Variants in CLCNKB observed in about 807,000 individuals in gnomAD.
CLCNKB encodes chloride channel protein ClC-Kb.
Under a neutral mutation model 83.8 loss-of-function variants are expected in CLCNKB, and 74 were observed. That is an observed-to-expected ratio of 0.88 (90% CI 0.73 to 1.07). CLCNKB has a LOEUF of 1.07. Among genes scored for constraint, CLCNKB ranks in the 50% least tolerant of loss-of-function variants. The probability of loss-of-function intolerance (pLI) is 0.00; values close to 1 mark genes in which losing one functional copy is unlikely to be tolerated. For synonymous variants in CLCNKB, 358 were observed against 356.6 expected, an observed-to-expected ratio of 1.00 and a Z score of -0.04; for missense variants, 798 against 893.6, an observed-to-expected ratio of 0.89 and a Z score of 1.36.
rs1481306131 is a variant in CLCNKB, at chr1:16,046,538, A to C, written c.233A>C (p.His78Pro). The C allele has an allele frequency of 6.2e-7, 1 of 1,613,912 alleles. No homozygotes were observed. Among genetic ancestry groups the C allele is most frequent in the Non-Finnish European group, 8.5e-7 (1 of 1,179,994 alleles). ...DLAVESVVRA[H>P]QWLYREIGDS... is the part of the protein sequence containing the mutation. ...CCTGATACCCGGCTGTCCCCAGCGC[A>C]CCAGTGGCTGTACAGGGAGATTGGG... The change falls in exon 4 of 20, where the codon CAC (histidine) becomes CCC (proline). Residue 78 changes from histidine (H) to proline (P), a missense_variant. His to Pro is a moderately conservative substitution (Grantham distance 77, BLOSUM62 -2). Transcript: ENST00000375679.
In CLCNKB at chr1:16,049,644, A is replaced by G. The variant is rs1168113462; in HGVS notation, c.808A>G (p.Ser270Gly). ...QETITSLYKT[S>G]FRVDVPFDLP... ...GACCATCACCTCCCTCTACAAGACC[A>G]GTTTCCGGGTGGACGTTCCCTTCGA... The change falls in exon 9 of 20, where the codon AGT (serine) becomes GGT (glycine). Residue 270 changes from serine (S) to glycine (G), a missense_variant. Transcript: ENST00000375679. 1 of 1,608,720 alleles carries G rather than the reference A, an allele frequency of 6.2e-7. No homozygotes were observed. Among genetic ancestry groups the G allele is most frequent in the Non-Finnish European group, 8.5e-7 (1 of 1,177,306 alleles).
intron 4 of CLCNKB, 56 bp from the exon 5 acceptor site, chr1:16,047,849 T>C (rs1177730024): frequency 1.8e-5 from 28 of 1,580,778 alleles, no homozygotes; most frequent in South Asian, 6.6e-5. Context: ...AGGTAGAGTG[T>C]TGAGATTTTT....
Position 16,045,314 on chromosome 1 carries a change from C to G in CLCNKB, c.101-244C>G, listed in dbSNP as rs113884246. 1.4e-3 allele frequency among the ~76,000 whole-genome samples: 209 copies of G among 152,288 alleles called. 1 individual carries two copies. Among genetic ancestry groups the G allele is most frequent in the African/African-American group, 4.8e-3 (200 of 41,560 alleles). On this transcript the variant is annotated intron_variant, in intron 2 of 19. Coordinates refer to ENST00000375679, the MANE Select transcript of CLCNKB (RefSeq NM_000085.5). ...TACAGGCAGGGATGCGGAGGGTCGGCAGGTCAACGGCTTTCTGGTAGGGGC... is the reference window on the plus strand; with the variant it reads ...TACAGGCAGGGATGCGGAGGGTCGGGAGGTCAACGGCTTTCTGGTAGGGGC...
At chr1:16,054,652 A>C (rs2023388313) in intron 16 of CLCNKB, among the ~76,000 whole-genome samples, 2 of 152,130 alleles carry the variant, frequency 1.3e-5, no homozygotes, top group African/African-American at 4.8e-5. Context: ...GAATATGCCA[A>C]ATATCTCATC....
chr1:16,049,324 C>T (rs1029959691), intron 8 of CLCNKB, 79 bp downstream of exon 8: 184 of 1,584,448 alleles, frequency 1.2e-4, no homozygotes, highest in Middle Eastern at 1.7e-4. Flanking sequence ...CCTGTGTACA[C>T]CCCTTGCTCT....
chr1:16,050,120 A>C (rs146065185), intron 10 of CLCNKB, among the ~76,000 whole-genome samples: 12 of 142,768 alleles, frequency 8.4e-5, no homozygotes, highest in South Asian at 7.0e-4. Context: ...TCCCCATTTA[A>C]CCCCCATATC....
At chr1:16,048,100 C>T in intron 5 of CLCNKB, 56 bp downstream of exon 5, 4 of 1,583,268 alleles carry the variant, frequency 2.5e-6, no homozygotes, top group Non-Finnish European at 3.4e-6. Flanking sequence ...CCACCCCAGT[C>T]TCACCCCCAT....
chr1:16,053,625 C>T lies in CLCNKB; in HGVS notation c.1623-14C>T, dbSNP rs756596788. 4 of 1,613,740 alleles carry T rather than the reference C, an allele frequency of 2.5e-6. No homozygotes were observed. In the African/African-American group the frequency reaches 5.3e-5, roughly 22 times the overall value. ...CCTGACTGTGGGGCCTGATGGGAGC[C>T]CCTCTGCCTGCAGTTCCCACCGCGT... is the stretch of plus-strand genomic sequence containing the variant. On this transcript the variant is annotated splice_polypyrimidine_tract_variant and intron_variant, in intron 15 of 19. Coordinates refer to ENST00000375679, the MANE Select transcript of CLCNKB (RefSeq NM_000085.5).
Position 16,052,905 on chromosome 1 carries a change from G to A in CLCNKB, c.1622+494G>A, listed in dbSNP as rs557478212. On this transcript the variant is annotated intron_variant, in intron 15 of 19. Transcript: ENST00000375679. ...CCAAAGAGGCTCTGAGAGTCCCTGG[G>A]TCTGAGGCCCCGCTGAAAACACAAG... Among the ~76,000 whole-genome samples, 118 of 152,310 alleles carry A rather than the reference G, an allele frequency of 7.7e-4. 1 individual carries two copies. Among genetic ancestry groups the A allele is most frequent in the African/African-American group, 2.8e-3 (115 of 41,560 alleles).
At chr1:16,053,539 G>T in intron 15 of CLCNKB, 100 bp from the exon 16 acceptor site, 2 of 1,569,144 alleles carry the variant, frequency 1.3e-6, no homozygotes, top group Non-Finnish European at 1.7e-6. Context: ...CTCCAGAGCC[G>T]TGGGTCCCCG....
intron 8 of CLCNKB, 138 bp downstream of exon 8, chr1:16,049,383 T>C (rs2023209174): frequency 6.6e-7 from 1 of 1,521,992 alleles, no homozygotes; most frequent in Non-Finnish European, 8.8e-7. Flanking sequence ...TCCCACCTCC[T>C]TCTGGGAGGA....
At chr1:16,050,626 G>A (rs1251447860) in intron 11 of CLCNKB, 26 bp downstream of exon 11, 7 of 1,608,930 alleles carry the variant, frequency 4.4e-6, no homozygotes, top group Non-Finnish European at 6.0e-6. Flanking sequence ...TGGGGTGGCA[G>A]GAGTGGGGAA....
intron 5 of CLCNKB, 48 bp from the exon 6 acceptor site, chr1:16,048,295 G>A (rs1570332373): frequency 3.7e-6 from 6 of 1,604,268 alleles, no homozygotes; most frequent in Non-Finnish European, 5.1e-6. Context: ...GGGTGAGACC[G>A]TCTCTGCTGC....
chr1:16,046,767 A>T (rs2023116297), intron 4 of CLCNKB, 104 bp downstream of exon 4: 2 of 1,458,324 alleles, frequency 1.4e-6, no homozygotes, highest in Non-Finnish European at 1.9e-6. Context: ...AAGGCCCAGG[A>T]AGAGTCATGT....
chr1:16,050,473 G>A, intron 10 of CLCNKB, 43 bp from the exon 11 acceptor site: 1 of 1,597,618 alleles, frequency 6.3e-7, no homozygotes, highest in Non-Finnish European at 8.6e-7. Flanking sequence ...CTTGGGATGT[G>A]GGAAAGGGAG....
At chr1:16,053,508 A>T in intron 15 of CLCNKB, 131 bp from the exon 16 acceptor site, 3 of 1,331,474 alleles carry the variant, frequency 2.3e-6, no homozygotes, top group Non-Finnish European at 1.1e-6. Context: ...CATTCCAGGA[A>T]CCTCTCCGGC....
At chr1:16,055,828 C>A in intron 18 of CLCNKB, 70 bp downstream of exon 18, 1 of 1,449,674 alleles carries the variant, frequency 6.9e-7, no homozygotes, top group South Asian at 1.2e-5. Context: ...GAGGAGCTCA[C>A]GCTCCAGCCT....
Position 16,047,690 on chromosome 1 carries a change from G to A in CLCNKB, c.359-215G>A, listed in dbSNP as rs869704. 0.7 allele frequency among the ~76,000 whole-genome samples: 106,792 copies of A among 152,036 alleles called. 40,580 individuals carry two copies. Among genetic ancestry groups the A allele is most frequent in the East Asian group, 0.99 (5,119 of 5,182 alleles). On this transcript the variant is annotated intron_variant, in intron 4 of 19. Coordinates refer to ENST00000375679, the MANE Select transcript of CLCNKB (RefSeq NM_000085.5). ...AGGCTGACGCAGGAGGATAACTTGA[G>A]CCCTGGCAACTGAGGCTGCTGTAAG...
intron 15 of CLCNKB, among the ~76,000 whole-genome samples, chr1:16,053,051 G>A (rs1489128493): frequency 6.7e-6 from 1 of 148,196 alleles, no homozygotes; most frequent in Non-Finnish European, 1.5e-5. Context: ...TTTTTTTTGA[G>A]ATGGAATCTC....
Sources: allele counts gnomAD v4.1 joint callset (sites outside exome capture counted in the v4.1 genomes callset), GRCh38; gene constraint gnomAD v4.1.1; transcripts MANE v1.5; gene names NCBI Gene and HGNC (gene_info 2026-07-23, HGNC 2026-07-21).